Variants in PBRM1 observed in about 807,000 individuals in gnomAD.
PBRM1 encodes protein polybromo-1.
In PBRM1, 27 loss-of-function variants were observed where a neutral mutation model predicts 194.5. The observed-to-expected ratio is 0.14, with a 90% CI of 0.10 to 0.19. The LOEUF is 0.19. Among genes scored for constraint, PBRM1 ranks in the 10% least tolerant of loss-of-function variants. The pLI, the probability that PBRM1 is intolerant of heterozygous loss-of-function variation, is 1.00. For synonymous variants in PBRM1, 655 were observed against 693.2 expected (o/e 0.94, Z 0.87); for missense variants, 1,466 against 2,077.2 (o/e 0.71, Z 5.72).
chr3:52,619,997 C>T (rs1050383180), intron 13 of PBRM1, among the ~76,000 whole-genome samples: 2 of 152,196 alleles, frequency 1.3e-5, no homozygotes, highest in African/African-American at 4.8e-5. Context: ...ATTTTCTCCC[C>T]TCAGCACTTT....
chr3:52,584,450 CTTTTTTTTTTTTTT>C (rs397989611), intron 20 of PBRM1, among the ~76,000 whole-genome samples: 2 of 60,750 alleles, frequency 3.3e-5, no homozygotes, highest in East Asian at 1.1e-3. Context: ...AGTATTCTTG[CTTTTTTTTTTTTTT>C]TTTTTTTTTT....
At chr3:52,628,972 C>T (rs2153596839) in exon 12 of PBRM1, 1 of 1,611,468 alleles carries the variant, frequency 6.2e-7, no homozygotes, top group Non-Finnish European at 8.5e-7. Context: ...CATTTTCAAA[C>T]ATTAAATTCA....
intron 7 of PBRM1, among the ~76,000 whole-genome samples, chr3:52,646,961 G>A (rs1487024912): frequency 1.3e-5 from 2 of 152,026 alleles, no homozygotes; most frequent in East Asian, 3.9e-4. Context: ...AATCACAAAA[G>A]TGAAAAGACA....
intron 3 of PBRM1, among the ~76,000 whole-genome samples, chr3:52,662,838 A>C (rs950088196): frequency 2.6e-5 from 4 of 151,478 alleles, no homozygotes; most frequent in Non-Finnish European, 5.9e-5. Flanking sequence ...AAAAAAAAAA[A>C]AAACACCAAA....
In PBRM1 at chr3:52,609,438, A is replaced by C. The variant is rs748698167; in HGVS notation, c.2442T>G (p.Phe814Leu). The C allele has an allele frequency of 6.2e-7, 1 of 1,614,042 alleles. No homozygotes were observed. The highest frequency in any genetic ancestry group is 8.5e-7 in the Non-Finnish European group (1 of 1,179,964). ...CAAATGTAAGGGGTGGTTTGTTAGG[A>C]AAGTTGGGATCCACAGCAGGAATTT... The change falls in exon 16 of 30, where the codon TTT becomes TTG. Residue 814 changes from phenylalanine (F) to leucine (L), a missense_variant. Phe to Leu is a conservative substitution (Grantham distance 22). Coordinates refer to ENST00000296302, the Ensembl canonical transcript of PBRM1. This position sits in a 1 kb window ranked among gnomAD's most constrained non-coding sequence, Gnocchi z 4.1.
At chr3:52,630,476 AC>A (rs1329099524) in intron 11 of PBRM1, among the ~76,000 whole-genome samples, 1 of 152,258 alleles carries the variant, frequency 6.6e-6, no homozygotes, top group East Asian at 1.9e-4. Flanking sequence ...CTCAATAGCC[AC>A]ATATGACTAG....
chr3:52,616,384 G>A (rs1434659750), intron 14 of PBRM1, among the ~76,000 whole-genome samples: 11 of 152,124 alleles, frequency 7.2e-5, no homozygotes, highest in Admixed American at 2.6e-4. Flanking sequence ...CAGTTACAAC[G>A]ATAAAGAACT....
At chr3:52,604,569 T>C (rs1019340423) in intron 16 of PBRM1, among the ~76,000 whole-genome samples, 2 of 152,180 alleles carry the variant, frequency 1.3e-5, no homozygotes, top group East Asian at 3.9e-4. Flanking sequence ...GGTACACACT[T>C]GCAGTCCTAG....
At chr3:52,631,664 G>A (rs2095622082) in intron 11 of PBRM1, among the ~76,000 whole-genome samples, 1 of 152,190 alleles carries the variant, frequency 6.6e-6, no homozygotes, top group African/African-American at 2.4e-5. Flanking sequence ...AAAGTGCTGG[G>A]ATTACAGATG....
At chr3:52,607,352 A>G (rs2153397634) in intron 16 of PBRM1, among the ~76,000 whole-genome samples, 1 of 152,296 alleles carries the variant, frequency 6.6e-6, no homozygotes, top group South Asian at 2.1e-4. Flanking sequence ...GCATGAGGGT[A>G]AAACTGTGTG....
intron 1 of PBRM1, 182 bp downstream of exon 1, chr3:52,685,567 C>G (rs1182978510): frequency 6.6e-6 from 1 of 151,264 alleles, no homozygotes. Context: ...TGCGACAAGG[C>G]TACTGGGCCC....
chr3:52,621,999 T>C (rs2153535344), intron 13 of PBRM1, among the ~76,000 whole-genome samples: 1 of 152,208 alleles, frequency 6.6e-6, no homozygotes, highest in Admixed American at 6.5e-5. Context: ...TGAGCCATGA[T>C]GGTGCCACTG....
chr3:52,587,554 T>C (rs372831581), intron 18 of PBRM1, 44 bp from the exon 21 acceptor site: 107 of 1,373,938 alleles, frequency 7.8e-5, no homozygotes, highest in South Asian at 1.4e-4. Context: ...AAGAGAATCA[T>C]TGTTAACAGA....
At chr3:52,618,020 T>G (rs1180064093) in intron 13 of PBRM1, among the ~76,000 whole-genome samples, 2 of 152,172 alleles carry the variant, frequency 1.3e-5, no homozygotes, top group Non-Finnish European at 2.9e-5. Context: ...CCTGAACACT[T>G]GTGTATTTTG....
At chr3:52,587,146 T>C (rs1415733429) in intron 19 of PBRM1, among the ~76,000 whole-genome samples, 2 of 152,222 alleles carry the variant, frequency 1.3e-5, no homozygotes, top group Non-Finnish European at 2.9e-5. Context: ...AACTGCATTA[T>C]AGCCAAATAG....
At chr3:52,619,208 T>TA (rs2095142762) in intron 13 of PBRM1, among the ~76,000 whole-genome samples, 1 of 152,164 alleles carries the variant, frequency 6.6e-6, no homozygotes, top group Admixed American at 6.5e-5. Flanking sequence ...TAATTTCTAT[T>TA]AAAAAAATAT....
chr3:52,680,242 CA>C (rs1166668946), upstream of PBRM1, among the ~76,000 whole-genome samples: 1 of 152,030 alleles, frequency 6.6e-6, no homozygotes, highest in Non-Finnish European at 1.5e-5. Context: ...ATGAGTAGTG[CA>C]AAAAGGTAAG....
At chr3:52,578,579 T>C (rs2090295449) in intron 21 of PBRM1, among the ~76,000 whole-genome samples, 1 of 152,210 alleles carries the variant, frequency 6.6e-6, no homozygotes. Context: ...CATTTACTTG[T>C]TCATCAAATA....
At chr3:52,641,548 T>C (rs1560666753) in intron 10 of PBRM1, among the ~76,000 whole-genome samples, 1 of 148,830 alleles carries the variant, frequency 6.7e-6, no homozygotes, top group African/African-American at 2.5e-5. Context: ...AAATCTATAG[T>C]AAAGGGGAAA....
Sources: gnomAD v4.1 joint callset for allele counts (sites outside exome capture counted in the v4.1 genomes callset) on GRCh38, gnomAD v4.1.1 for gene constraint, Gnocchi (gnomAD v3.1) non-coding constraint, MANE v1.5 for transcripts, NCBI Gene and HGNC (gene_info 2026-07-23, HGNC 2026-07-21) for gene names.